The following IGSF21 variants were observed in gnomAD, a reference collection of about 807,000 sequenced individuals.
The protein encoded by IGSF21 is immunoglobulin superfamily member 21.
A neutral mutation model predicts 46.8 loss-of-function variants in IGSF21; 28 were observed. The observed-to-expected ratio is 0.60, with a 90% CI of 0.44 to 0.82. The LOEUF is 0.82. IGSF21 is among the 40% of genes least tolerant of loss of function. The pLI, the probability that IGSF21 is intolerant of heterozygous loss-of-function variation, is 0.00. For synonymous variants in IGSF21, 284 were observed against 273.6 expected (o/e 1.04, Z -0.38); for missense variants, 624 against 665.5 (o/e 0.94, Z 0.69).
chr1:18,271,071 G>A (rs2124545279), intron 2 of IGSF21, among the ~76,000 whole-genome samples: 1 of 152,314 alleles, frequency 6.6e-6, no homozygotes, highest in South Asian at 2.1e-4. Context: ...TGTCCTAATA[G>A]CTCAGACAAG....
chr1:18,203,079 G>A (rs759202716), intron 1 of IGSF21, among the ~76,000 whole-genome samples: 1 of 152,198 alleles, frequency 6.6e-6, no homozygotes, highest in Admixed American at 6.5e-5. Context: ...GAGCCTCTGG[G>A]TGGTTGAGTG....
chr1:18,359,460 AAGGG>A (rs1468674355), intron 4 of IGSF21, among the ~76,000 whole-genome samples: 1 of 110,836 alleles, frequency 9.0e-6, no homozygotes, highest in Non-Finnish European at 1.8e-5. Flanking sequence ...GAAAGAAAGA[AAGGG>A]AAGGAAGGAA....
intron 3 of IGSF21, among the ~76,000 whole-genome samples, chr1:18,303,793 G>GT (rs1468804361): frequency 6.6e-6 from 1 of 152,212 alleles, no homozygotes; most frequent in Non-Finnish European, 1.5e-5. Context: ...TGGGGAGGCA[G>GT]TGGGGCTCTG....
intron 4 of IGSF21, among the ~76,000 whole-genome samples, chr1:18,357,201 T>G (rs1237716821): frequency 1.3e-3 from 87 of 65,736 alleles, no homozygotes; most frequent in South Asian, 2.2e-3. Flanking sequence ...GAGATGGGAG[T>G]GGGGTTGGGG....
chr1:18,173,759 A>G (rs80348726), intron 1 of IGSF21, among the ~76,000 whole-genome samples: 15,411 of 152,072 alleles, frequency 0.1, 849 homozygotes, highest in East Asian at 0.17. Flanking sequence ...GTACGTATGT[A>G]TTTATTTATT....
At chr1:18,146,469 TCTCCTGGGCC>T (rs1467684905) in intron 1 of IGSF21, among the ~76,000 whole-genome samples, 2 of 152,034 alleles carry the variant, frequency 1.3e-5, no homozygotes, top group African/African-American at 4.8e-5. Context: ...CAGTGCACCT[TCTCCTGGGCC>T]CTCCTGGGAT....
intron 1 of IGSF21, among the ~76,000 whole-genome samples, chr1:18,207,358 T>C (rs909398209): frequency 6.6e-6 from 1 of 152,192 alleles, no homozygotes; most frequent in African/African-American, 2.4e-5. Flanking sequence ...CATGGAGTGA[T>C]AACCCATCAT....
At chr1:18,338,945 T>A (rs994242842) in intron 4 of IGSF21, among the ~76,000 whole-genome samples, 2 of 152,046 alleles carry the variant, frequency 1.3e-5, no homozygotes, top group Admixed American at 1.3e-4. Context: ...CAATTAGATG[T>A]TGTGAGAGCC....
chr1:18,251,754 C>G (rs11260966), intron 2 of IGSF21, among the ~76,000 whole-genome samples: 31,282 of 151,916 alleles, frequency 0.21, 3,292 homozygotes, highest in Middle Eastern at 0.28. Flanking sequence ...CTCTCCCAAT[C>G]TTCCTGACTA....
chr1:18,178,178 C>T (rs1402743944), intron 1 of IGSF21, among the ~76,000 whole-genome samples: 1 of 152,138 alleles, frequency 6.6e-6, no homozygotes, highest in African/African-American at 2.4e-5. Flanking sequence ...TCATTCCCTC[C>T]ATCGTGTCCT....
intron 1 of IGSF21, among the ~76,000 whole-genome samples, chr1:18,122,912 C>A (rs1336109378): frequency 6.6e-6 from 1 of 151,920 alleles, no homozygotes; most frequent in Non-Finnish European, 1.5e-5. Flanking sequence ...CAGGCATGAG[C>A]CACCGCACCC....
intron 1 of IGSF21, among the ~76,000 whole-genome samples, chr1:18,117,399 A>G (rs1032714124): frequency 6.6e-6 from 1 of 152,188 alleles, no homozygotes; most frequent in African/African-American, 2.4e-5. Flanking sequence ...AAGCTTCTAG[A>G]TCTCCAATGG....
intron 2 of IGSF21, among the ~76,000 whole-genome samples, chr1:18,284,616 G>A (rs1378843937): frequency 6.6e-6 from 1 of 152,232 alleles, no homozygotes; most frequent in African/African-American, 2.4e-5. Flanking sequence ...GGAAACTGAG[G>A]CTTAGAAACA....
At chr1:18,254,634 C>T (rs986069173) in intron 2 of IGSF21, among the ~76,000 whole-genome samples, 2 of 152,188 alleles carry the variant, frequency 1.3e-5, no homozygotes, top group Non-Finnish European at 1.5e-5. Flanking sequence ...GGGTATCTCT[C>T]TGTCAGGTGG....
At chr1:18,190,496 G>A (rs539635566) in intron 1 of IGSF21, among the ~76,000 whole-genome samples, 162 of 107,224 alleles carry the variant, frequency 1.5e-3, no homozygotes, top group African/African-American at 4.0e-3. Context: ...CAAAATCCCT[G>A]CCAGGTCATC....
chr1:18,209,674 C>G (rs1197808213), intron 1 of IGSF21, among the ~76,000 whole-genome samples: 1 of 148,142 alleles, frequency 6.8e-6, no homozygotes, highest in Non-Finnish European at 1.5e-5. Flanking sequence ...GTTGGGCAGA[C>G]TGGTCTCAAA....
At chr1:18,207,895 T>C (rs1166841618) in intron 1 of IGSF21, among the ~76,000 whole-genome samples, 1 of 152,034 alleles carries the variant, frequency 6.6e-6, no homozygotes, top group East Asian at 1.9e-4. Context: ...TTCATACCAG[T>C]AAATAGGAGT....
intron 2 of IGSF21, among the ~76,000 whole-genome samples, chr1:18,247,511 AGCCAGGAACCATGG>A (rs1233015561): frequency 6.6e-6 from 1 of 152,124 alleles, no homozygotes; most frequent in African/African-American, 2.4e-5. Flanking sequence ...GAGAGTGCCC[AGCCAGGAACCATGG>A]GCCAGGAAGC....
At chr1:18,347,907 G>C (rs1049311668) in intron 4 of IGSF21, among the ~76,000 whole-genome samples, 19 of 152,136 alleles carry the variant, frequency 1.2e-4, no homozygotes, top group African/African-American at 3.9e-4. Flanking sequence ...CACCTGCTGT[G>C]GGGGGAGCAC....
Sources: allele counts gnomAD v4.1 joint callset (sites outside exome capture counted in the v4.1 genomes callset), GRCh38; gene constraint gnomAD v4.1.1; transcripts MANE v1.5; gene names NCBI Gene and HGNC (gene_info 2026-07-23, HGNC 2026-07-21).